TRHR: variants seen among roughly 807,000 people sequenced by gnomAD.
The protein encoded by TRHR is thyrotropin releasing hormone receptor.
A neutral mutation model predicts 28.0 loss-of-function variants in TRHR; 14 were observed. The ratio of observed to expected loss-of-function variants is 0.50; its 90% CI spans 0.33 to 0.78. The LOEUF (loss-of-function observed/expected upper bound fraction) is 0.78. Ranked by LOEUF, TRHR falls within the 30% of genes least tolerant of loss-of-function variation. The probability of loss-of-function intolerance (pLI) is 0.02; values close to 1 mark genes in which losing one functional copy is unlikely to be tolerated. For missense variants in TRHR, 438 were observed against 469.5 expected (o/e 0.93, Z 0.62); for synonymous variants, 176 against 171.9 (o/e 1.02, Z -0.18).
intron 2 of TRHR, among the ~76,000 whole-genome samples, chr8:109,098,265 G>A (rs55866094): frequency 1.3e-5 from 2 of 151,970 alleles, no homozygotes; most frequent in Non-Finnish European, 2.9e-5. Flanking sequence ...GAATAGCTGA[G>A]ACTACAGGCG....
In TRHR at chr8:109,087,856, C is replaced by G; in HGVS notation, c.344C>G (p.Ser115Ter). ...TTGGGAATTAATGCATCCTCTTGTT[C>G]AATAACAGCCTTTACCATTGAGAGG... ...QYLGINASSC[S>*]ITAFTIERYI... Residue 115 changes from serine to a stop codon, truncating the protein, a stop_gained, in exon 2 of 3, where the codon TCA becomes TGA. Coordinates refer to ENST00000518632, the MANE Select transcript of TRHR (RefSeq NM_003301.7). LOFTEE classifies it high-confidence loss of function. The G allele has an allele frequency of 6.2e-7, 1 of 1,614,158 alleles. No homozygotes were observed. Among genetic ancestry groups the G allele is most frequent in the South Asian group, 1.1e-5 (1 of 91,060 alleles).
At chr8:109,108,346 C>T (rs1811782277) in intron 2 of TRHR, among the ~76,000 whole-genome samples, 1 of 152,158 alleles carries the variant, frequency 6.6e-6, no homozygotes, top group Admixed American at 6.6e-5. Context: ...GCTGAGGAAT[C>T]ACTTATCTGT....
At chr8:109,104,286 C>G (rs1023528140) in intron 2 of TRHR, among the ~76,000 whole-genome samples, 1 of 152,076 alleles carries the variant, frequency 6.6e-6, no homozygotes, top group Admixed American at 6.6e-5. Flanking sequence ...ATAAAATATT[C>G]TTTCAAAAGC....
intron 2 of TRHR, among the ~76,000 whole-genome samples, chr8:109,102,754 C>T (rs1811695202): frequency 6.6e-6 from 1 of 151,952 alleles, no homozygotes; most frequent in Admixed American, 6.6e-5. Context: ...TGATAAGTTC[C>T]ATTCATTTTT....
chr8:109,104,334 G>A (rs1350961345), intron 2 of TRHR, among the ~76,000 whole-genome samples: 1 of 152,052 alleles, frequency 6.6e-6, no homozygotes, highest in Admixed American at 6.6e-5. Flanking sequence ...GAAAAATGAT[G>A]ATTAGCAAGG....
intron 2 of TRHR, among the ~76,000 whole-genome samples, chr8:109,099,642 C>T (rs565542312): frequency 1.3e-5 from 2 of 152,266 alleles, no homozygotes; most frequent in African/African-American, 4.8e-5. Context: ...AACAAGGCCA[C>T]ATACATATGC....
At chr8:109,118,493 CTTGTCACAGACACTT>C (rs1811952686) in intron 2 of TRHR, among the ~76,000 whole-genome samples, 1 of 151,892 alleles carries the variant, frequency 6.6e-6, no homozygotes, top group Non-Finnish European at 1.5e-5. Context: ...TCTCCTAATG[CTTGTCACAGACACTT>C]TTGGTGCCCT....
intron 2 of TRHR, among the ~76,000 whole-genome samples, chr8:109,098,608 G>T (rs1014040002): frequency 6.6e-6 from 1 of 152,092 alleles, no homozygotes; most frequent in Non-Finnish European, 1.5e-5. Context: ...GGACATTTAT[G>T]ATCTGCTCCC....
At chr8:109,096,188 T>A (rs1308417950) in intron 2 of TRHR, among the ~76,000 whole-genome samples, 4 of 152,174 alleles carry the variant, frequency 2.6e-5, no homozygotes, top group African/African-American at 4.8e-5. Flanking sequence ...CTCCAGCAAT[T>A]CTGAATTATT....
chr8:109,119,042 C>T lies in TRHR; in HGVS notation c.790-6C>T, dbSNP rs748676239. On this transcript the variant is annotated splice_region_variant and splice_polypyrimidine_tract_variant and intron_variant, in intron 2 of 2. Coordinates refer to ENST00000518632, the MANE Select transcript of TRHR (RefSeq NM_003301.7). ...TTGTACAGCATTTCTCTCTATTTCT[C>T]CCTAGGTCACCAAGATGCTGGCAGT... The T allele has an allele frequency of 1.2e-6, 2 of 1,612,320 alleles. No homozygotes were observed. Among genetic ancestry groups the T allele is most frequent in the Non-Finnish European group, 1.7e-6 (2 of 1,178,942 alleles).
intron 2 of TRHR, among the ~76,000 whole-genome samples, chr8:109,115,011 G>A (rs1811897473): frequency 6.6e-6 from 1 of 151,992 alleles, no homozygotes. Context: ...TTTACTCAAA[G>A]ATTGTGTCAT....
intron 2 of TRHR, among the ~76,000 whole-genome samples, chr8:109,092,238 T>G (rs113879654): frequency 1.7e-4 from 26 of 152,070 alleles, no homozygotes; most frequent in Admixed American, 6.5e-4. Flanking sequence ...AGAGAAACCA[T>G]GTAACATAGT....
rs938386330 is a variant in TRHR at position 109,120,960 on chromosome 8, A to G, written c.*1505A>G. Among the ~76,000 whole-genome samples the G allele has an allele frequency of 1.3e-5, 2 of 151,564 alleles. No individual in the cohort carries two copies. The highest frequency in any genetic ancestry group is 4.8e-5 in the African/African-American group (2 of 41,322). The stretch of plus-strand genomic sequence containing the variant: ...TATTTTATGGACTTTTCTAGAACCT[A>G]ATCGCTAATGATAATTATGCCTCCC... On this transcript the variant is annotated 3_prime_UTR_variant, in exon 3 of 3. Coordinates refer to ENST00000518632, the MANE Select transcript of TRHR (RefSeq NM_003301.7).
intron 2 of TRHR, among the ~76,000 whole-genome samples, chr8:109,117,202 C>T (rs776340970): frequency 3.3e-5 from 5 of 151,764 alleles, no homozygotes; most frequent in Non-Finnish European, 7.4e-5. Context: ...GAAATGTTAT[C>T]GAAAATGCAA....
At chr8:109,109,864 G>C (rs139566837) in intron 2 of TRHR, among the ~76,000 whole-genome samples, 66 of 152,296 alleles carry the variant, frequency 4.3e-4, no homozygotes, top group African/African-American at 1.5e-3. Context: ...CCACACCAGA[G>C]TGAGAAGCAG....
chr8:109,116,484 G>A (rs918200984), intron 2 of TRHR, among the ~76,000 whole-genome samples: 2 of 152,068 alleles, frequency 1.3e-5, no homozygotes, highest in Non-Finnish European at 2.9e-5. Context: ...TTCAGAGCCT[G>A]TTATTGGCCT....
chr8:109,114,994 G>A (rs898986302), intron 2 of TRHR, among the ~76,000 whole-genome samples: 3 of 151,876 alleles, frequency 2.0e-5, no homozygotes, highest in Non-Finnish European at 4.4e-5. Context: ...TATAGTATAA[G>A]ATCATTTTTA....
intron 2 of TRHR, among the ~76,000 whole-genome samples, chr8:109,097,996 A>T (rs1444153536): frequency 5.3e-5 from 8 of 152,070 alleles, no homozygotes; most frequent in Non-Finnish European, 1.2e-4. Flanking sequence ...AATTCCTCCC[A>T]CATCCAGTAT....
At chr8:109,091,225 T>G (rs1246736248) in intron 2 of TRHR, among the ~76,000 whole-genome samples, 2 of 152,058 alleles carry the variant, frequency 1.3e-5, no homozygotes, top group African/African-American at 4.8e-5. Flanking sequence ...ACCAGAAAGA[T>G]GTTTCAAAGA....
Sources: allele counts gnomAD v4.1 joint callset (sites outside exome capture counted in the v4.1 genomes callset), GRCh38; gene constraint gnomAD v4.1.1; transcripts MANE v1.5; gene names NCBI Gene and HGNC (gene_info 2026-07-23, HGNC 2026-07-21).